Variants in FAM53A observed in about 807,000 individuals in gnomAD.
FAM53A encodes protein FAM53A.
FAM53A carries 28 observed loss-of-function variants against 26.6 expected under a neutral mutation model. That is an observed-to-expected ratio of 1.05 (90% CI 0.78 to 1.45). The LOEUF (loss-of-function observed/expected upper bound fraction) is 1.45, where lower values mean the gene tolerates loss of function less well. Ranked by LOEUF, FAM53A falls within the 40% of genes most tolerant of loss-of-function variation. FAM53A has a pLI of 0.00. For synonymous variants in FAM53A, 290 were observed against 253.1 expected (o/e 1.15, Z -1.38); for missense variants, 650 against 575.8 (o/e 1.13, Z -1.32).
intron 1 of FAM53A, among the ~76,000 whole-genome samples, chr4:1,624,384 G>A (rs1473028243): frequency 6.6e-6 from 1 of 152,218 alleles, no homozygotes; most frequent in Admixed American, 6.5e-5. Context: ...CTCTGAGGGG[G>A]ACTGGTGCTT....
At chr4:1,669,110 T>G (rs768276889) in intron 1 of FAM53A, among the ~76,000 whole-genome samples, 8 of 152,078 alleles carry the variant, frequency 5.3e-5, no homozygotes, top group Non-Finnish European at 1.0e-4. Flanking sequence ...AAGACACACA[T>G]TAGACCCACC....
chr4:1,672,090 C>A (rs1242326550), intron 1 of FAM53A, among the ~76,000 whole-genome samples: 1 of 151,684 alleles, frequency 6.6e-6, no homozygotes, highest in African/African-American at 2.4e-5. Flanking sequence ...ACCCACGAAC[C>A]CACGAACCCA....
chr4:1,577,175 G>C, the FAM53A span, among the ~76,000 whole-genome samples: 6 of 152,296 alleles, frequency 3.9e-5, no homozygotes, highest in East Asian at 1.2e-3. Context: ...CACGTGCCCA[G>C]GACATTGGCC....
chr4:1,682,885 A>G (rs754955649), intron 1 of FAM53A, among the ~76,000 whole-genome samples: 17 of 152,268 alleles, frequency 1.1e-4, no homozygotes, highest in Admixed American at 3.3e-4. Context: ...TAAGAAACAT[A>G]AGGACGCATC....
chr4:1,579,749 C>T, the FAM53A span, among the ~76,000 whole-genome samples: 1 of 152,184 alleles, frequency 6.6e-6, no homozygotes, highest in African/African-American at 2.4e-5. Flanking sequence ...CGCCTCCCGC[C>T]ACGGGCTGGC....
At chr4:1,601,281 G>A in the FAM53A span, among the ~76,000 whole-genome samples, 1 of 115,546 alleles carries the variant, frequency 8.7e-6, no homozygotes, top group East Asian at 2.0e-4. Flanking sequence ...CACTTTCCTG[G>A]GCACTGCTTT....
chr4:1,613,039 A>C (rs1434301962), downstream of FAM53A, among the ~76,000 whole-genome samples: 1 of 152,182 alleles, frequency 6.6e-6, no homozygotes, highest in African/African-American at 2.4e-5. Context: ...CCAGTGACCA[A>C]AGGGTCAGCA....
intron 2 of FAM53A, among the ~76,000 whole-genome samples, chr4:1,663,345 A>C (rs892073611): frequency 1.3e-5 from 2 of 152,264 alleles, no homozygotes; most frequent in African/African-American, 2.4e-5. Context: ...GTTTGCACCC[A>C]AAAGAAATGA....
At chr4:1,673,656 C>T (rs1039025945) in intron 1 of FAM53A, among the ~76,000 whole-genome samples, 19 of 152,150 alleles carry the variant, frequency 1.2e-4, no homozygotes, top group African/African-American at 3.6e-4. Flanking sequence ...TCACTTGAAC[C>T]GGGTGGGGCA....
intron 4 of FAM53A, chr4:1,644,635 A>G: frequency 5.0e-6 from 2 of 401,704 alleles, no homozygotes; most frequent in Non-Finnish European, 9.0e-6. Context: ...TTGGATGGTC[A>G]CTTCCATCTG....
At chr4:1,597,631 A>C in the FAM53A span, among the ~76,000 whole-genome samples, 1 of 151,524 alleles carries the variant, frequency 6.6e-6, no homozygotes, top group Admixed American at 6.6e-5. Flanking sequence ...GCCCCCCAAC[A>C]GTGCCTCCTG....
At chr4:1,617,495 A>G (rs1403250353), downstream of FAM53A, among the ~76,000 whole-genome samples, 1 of 152,174 alleles carries the variant, frequency 6.6e-6, no homozygotes, top group Admixed American at 6.5e-5. Context: ...CTTTACATTT[A>G]TCAAGAATCA....
intron 4 of FAM53A, among the ~76,000 whole-genome samples, chr4:1,653,644 TTCTCTAAA>T (rs1713071857): frequency 6.6e-6 from 1 of 152,206 alleles, no homozygotes; most frequent in Non-Finnish European, 1.5e-5. Context: ...GATCAGAGCC[TTCTCTAAA>T]CCCTGCTCTC....
intron 1 of FAM53A, among the ~76,000 whole-genome samples, chr4:1,634,220 G>A (rs998962929): frequency 6.6e-5 from 10 of 152,174 alleles, no homozygotes; most frequent in African/African-American, 2.4e-4. Flanking sequence ...AAGCTGCTTC[G>A]TGCAAACAGG....
At chr4:1,675,937 G>T (rs1715012266) in intron 1 of FAM53A, among the ~76,000 whole-genome samples, 1 of 152,248 alleles carries the variant, frequency 6.6e-6, no homozygotes, top group African/African-American at 2.4e-5. Flanking sequence ...CCTCAGCTCA[G>T]ATGGCCGCCT....
intron 1 of FAM53A, among the ~76,000 whole-genome samples, chr4:1,633,023 C>T (rs28429489): frequency 3.2e-4 from 42 of 132,080 alleles, no homozygotes; most frequent in African/African-American, 1.7e-3. Context: ...CATAGGTACA[C>T]GCTCATGCTC....
At chr4:1,623,766 G>A (rs1000330987) in intron 1 of FAM53A, among the ~76,000 whole-genome samples, 13 of 152,360 alleles carry the variant, frequency 8.5e-5, no homozygotes, top group Middle Eastern at 3.4e-3. Context: ...CCGGGGCGTC[G>A]GACAGGGCTG....
At chr4:1,591,506 C>A in the FAM53A span, among the ~76,000 whole-genome samples, 1 of 152,164 alleles carries the variant, frequency 6.6e-6, no homozygotes, top group Admixed American at 6.5e-5. Context: ...GTAAGCTCTG[C>A]CAGGATGGGG....
chr4:1,674,987 G>A (rs1194156592), intron 1 of FAM53A, among the ~76,000 whole-genome samples: 1 of 152,200 alleles, frequency 6.6e-6, no homozygotes, highest in Non-Finnish European at 1.5e-5. Context: ...CAGAGATACA[G>A]AAACAGTGAC....
Sources: allele counts gnomAD v4.1 joint callset (sites outside exome capture counted in the v4.1 genomes callset), GRCh38; gene constraint gnomAD v4.1.1; transcripts MANE v1.5; gene names NCBI Gene and HGNC (gene_info 2026-07-23, HGNC 2026-07-21).